STAU2: variants seen among roughly 807,000 people sequenced by gnomAD.
The protein encoded by STAU2 is double-stranded RNA-binding protein Staufen homolog 2.
In STAU2, 20 loss-of-function variants were observed where a neutral mutation model predicts 65.9. The ratio of observed to expected loss-of-function variants is 0.30; its 90% CI spans 0.21 to 0.44. STAU2 has a LOEUF of 0.44. Ranked by LOEUF, STAU2 falls within the 20% of genes least tolerant of loss-of-function variation. The pLI is 1.00. For missense variants in STAU2, 558 were observed against 683.9 expected, an observed-to-expected ratio of 0.82 and a Z score of 2.05; for synonymous variants, 232 against 233.9, an observed-to-expected ratio of 0.99 and a Z score of 0.07.
At chr8:73,530,786 C>T (rs931385190) in intron 13 of STAU2, among the ~76,000 whole-genome samples, 2 of 152,128 alleles carry the variant, frequency 1.3e-5, no homozygotes, top group Non-Finnish European at 2.9e-5. Context: ...ACCTCCATGG[C>T]CTTTGAACAG....
intron 13 of STAU2, among the ~76,000 whole-genome samples, chr8:73,422,920 T>C (rs2128877819): frequency 6.6e-6 from 1 of 152,302 alleles, no homozygotes. Context: ...CCTTATCCCT[T>C]CTCCACAGTT....
intron 12 of STAU2, among the ~76,000 whole-genome samples, chr8:73,553,134 C>T (rs1807457705): frequency 6.6e-6 from 1 of 152,174 alleles, no homozygotes; most frequent in Non-Finnish European, 1.5e-5. Context: ...GAAGCACTTT[C>T]CTTTGACTAT....
chr8:73,505,057 C>T (rs1049751554), intron 13 of STAU2, among the ~76,000 whole-genome samples: 13 of 152,038 alleles, frequency 8.6e-5, no homozygotes, highest in Non-Finnish European at 1.6e-4. Context: ...TAATTTCTCA[C>T]TGTGGCTACA....
intron 3 of STAU2, among the ~76,000 whole-genome samples, chr8:73,737,551 AT>A (rs1806525853): frequency 6.7e-6 from 1 of 149,250 alleles, no homozygotes; most frequent in African/African-American, 2.5e-5. Flanking sequence ...AAATAAAAGT[AT>A]TTTGTTTCTT....
chr8:73,656,733 C>T (rs1454960253), intron 6 of STAU2, among the ~76,000 whole-genome samples: 2 of 152,182 alleles, frequency 1.3e-5, no homozygotes, highest in African/African-American at 4.8e-5. Context: ...TTATGGTAAA[C>T]ACCCGCTGTC....
At chr8:73,559,205 C>T (rs1470062176) in intron 12 of STAU2, among the ~76,000 whole-genome samples, 1 of 152,154 alleles carries the variant, frequency 6.6e-6, no homozygotes, top group African/African-American at 2.4e-5. Context: ...TACATGCAAC[C>T]TCTTTGTACC....
intron 6 of STAU2, chr8:73,651,698 C>G: frequency 2.1e-6 from 1 of 468,812 alleles, no homozygotes; most frequent in Admixed American, 3.3e-5. Context: ...TACCACCCCC[C>G]AAAGCCCAGG....
chr8:73,741,447 G>A (rs1436175264), intron 1 of STAU2, among the ~76,000 whole-genome samples: 1 of 152,082 alleles, frequency 6.6e-6, no homozygotes, highest in Non-Finnish European at 1.5e-5. Flanking sequence ...TGATAACACT[G>A]GTGGCTGATT....
At chr8:73,471,831 A>AAAAAAAAAC (rs1820043961) in intron 13 of STAU2, among the ~76,000 whole-genome samples, 1 of 149,018 alleles carries the variant, frequency 6.7e-6, no homozygotes, top group Non-Finnish European at 1.5e-5. Flanking sequence ...AAAAAAAAAA[A>AAAAAAAAAC]AAAAAAGAGA....
At chr8:73,724,346 T>C (rs1292429851) in intron 3 of STAU2, among the ~76,000 whole-genome samples, 1 of 152,174 alleles carries the variant, frequency 6.6e-6, no homozygotes, top group Non-Finnish European at 1.5e-5. Flanking sequence ...TTATTTAATC[T>C]ATCTGTATCT....
chr8:73,481,510 AAAAAAC>A (rs1375776826), intron 13 of STAU2, among the ~76,000 whole-genome samples: 3 of 86,850 alleles, frequency 3.5e-5, no homozygotes, highest in African/African-American at 1.1e-4. Context: ...CAAAAAAACA[AAAAAAC>A]AAAAAAAAAA....
At chr8:73,469,816 A>G (rs1819880198) in intron 13 of STAU2, among the ~76,000 whole-genome samples, 1 of 152,222 alleles carries the variant, frequency 6.6e-6, no homozygotes. Context: ...TTGTTTGACA[A>G]ACAACACTGT....
chr8:73,570,730 C>T (rs1345039948), intron 12 of STAU2, among the ~76,000 whole-genome samples: 1 of 152,162 alleles, frequency 6.6e-6, no homozygotes, highest in African/African-American at 2.4e-5. Flanking sequence ...AAGGGAAGCC[C>T]ATCAGACTAA....
intron 13 of STAU2, among the ~76,000 whole-genome samples, chr8:73,466,897 C>T (rs1417706131): frequency 6.6e-6 from 1 of 152,236 alleles, no homozygotes; most frequent in Non-Finnish European, 1.5e-5. Context: ...CCAGTCTTGG[C>T]ATGGCTCTGG....
chr8:73,479,801 T>C (rs1820517177), intron 13 of STAU2, among the ~76,000 whole-genome samples: 1 of 151,726 alleles, frequency 6.6e-6, no homozygotes, highest in Non-Finnish European at 1.5e-5. Flanking sequence ...CCAAAGTTTC[T>C]GAAGTTTTAT....
intron 4 of STAU2, among the ~76,000 whole-genome samples, chr8:73,707,764 TA>T (rs1173073795): frequency 1.3e-5 from 2 of 151,840 alleles, no homozygotes; most frequent in Non-Finnish European, 2.9e-5. Context: ...AGCACAAAAC[TA>T]ATGACCAACA....
intron 6 of STAU2, chr8:73,652,574 G>A (rs1259870453): frequency 2.6e-5 from 4 of 151,760 alleles, no homozygotes; most frequent in East Asian, 1.9e-4. Flanking sequence ...TTAGCCAGGC[G>A]TGCTGGCGGG....
intron 13 of STAU2, among the ~76,000 whole-genome samples, chr8:73,445,248 G>A (rs151335532): frequency 1.6e-3 from 251 of 152,268 alleles, no homozygotes; most frequent in African/African-American, 5.8e-3. Flanking sequence ...GAGAGGAAGG[G>A]GTTTCTGCAG....
chr8:73,495,662 A>AATATATATATATATATATAT (rs3032943), intron 13 of STAU2, among the ~76,000 whole-genome samples: 3,263 of 131,686 alleles, frequency 0.025, 77 homozygotes, highest in African/African-American at 0.04. Context: ...CATAAAGCCA[A>AATATATATATATATATATAT]ATATATATAT....
Sources: gnomAD v4.1 joint callset for allele counts (sites outside exome capture counted in the v4.1 genomes callset) on GRCh38, gnomAD v4.1.1 for gene constraint, MANE v1.5 for transcripts, NCBI Gene and HGNC (gene_info 2026-07-23, HGNC 2026-07-21) for gene names.